Variants in SOX5 observed in about 807,000 individuals in gnomAD.
The protein encoded by SOX5 is SRY-box transcription factor 5.
SOX5 carries 9 observed loss-of-function variants against 92.0 expected under a neutral mutation model. The observed-to-expected ratio is 0.10, with a 90% CI of 0.06 to 0.17. SOX5 has a LOEUF of 0.17. Among genes scored for constraint, SOX5 ranks in the 10% least tolerant of loss-of-function variants. SOX5 has a pLI of 1.00. For synonymous variants in SOX5, 344 were observed against 336.3 expected (o/e 1.02, Z -0.25); for missense variants, 642 against 944.5 (o/e 0.68, Z 4.20).
intron 3 of SOX5, among the ~76,000 whole-genome samples, chr12:23,772,137 GA>G (rs765024384): frequency 4.6e-5 from 7 of 152,160 alleles, no homozygotes; most frequent in Admixed American, 2.0e-4. Context: ...CTACAAATGT[GA>G]AATTCTTGAA....
At chr12:23,954,194 C>A (rs1946002179), upstream of SOX5, among the ~76,000 whole-genome samples, 1 of 151,916 alleles carries the variant, frequency 6.6e-6, no homozygotes, top group South Asian at 2.1e-4. Context: ...GTCATAGGTG[C>A]AAATTACACT....
intron 3 of SOX5, among the ~76,000 whole-genome samples, chr12:23,794,614 C>T (rs145423081): frequency 6.6e-5 from 10 of 152,134 alleles, no homozygotes; most frequent in African/African-American, 1.2e-4. Flanking sequence ...AAAACAAAAA[C>T]GCAATGTTTA....
intron 13 of SOX5, among the ~76,000 whole-genome samples, chr12:23,537,073 TG>T (rs1335895346): frequency 6.6e-6 from 1 of 152,208 alleles, no homozygotes; most frequent in Non-Finnish European, 1.5e-5. Flanking sequence ...ATGTGGGAGA[TG>T]TTTTTTACTA....
intron 3 of SOX5, among the ~76,000 whole-genome samples, chr12:23,789,722 G>T (rs2095438501): frequency 2.0e-5 from 3 of 152,094 alleles, no homozygotes; most frequent in Middle Eastern, 3.4e-3. Flanking sequence ...GTTTTATAAG[G>T]AGATCACAGA....
chr12:24,093,395 C>T (rs1448807515), intron 4 of SOX5, among the ~76,000 whole-genome samples: 6 of 151,870 alleles, frequency 4.0e-5, no homozygotes, highest in African/African-American at 9.7e-5. Flanking sequence ...TGGTGGCGGG[C>T]GCCTGTAGTC....
chr12:24,217,821 A>C (rs1959382512), intron 3 of SOX5, among the ~76,000 whole-genome samples: 1 of 152,246 alleles, frequency 6.6e-6, no homozygotes. Flanking sequence ...TAACTAATTT[A>C]AAAATGAGCA....
rs142739779 is a variant in SOX5 at position 23,586,268 on chromosome 12, T to C, written c.1165-10430A>G. Among the ~76,000 whole-genome samples the C allele has an allele frequency of 4.1e-3, 619 of 152,212 alleles. 5 individuals carry two copies. Among genetic ancestry groups the C allele is most frequent in the African/African-American group, 0.014 (595 of 41,560 alleles). On this transcript the variant is annotated intron_variant, in intron 9 of 14. Transcript: ENST00000451604. Reference sequence around the variant, plus strand: ...TTAGAACAGTTGTGCCATCTACCCCTGTCTCTTGTTTTTCCCCCAAGTGGT... The same window carrying C: ...TTAGAACAGTTGTGCCATCTACCCCCGTCTCTTGTTTTTCCCCCAAGTGGT...
intron 2 of SOX5, among the ~76,000 whole-genome samples, chr12:23,850,200 G>A (rs1258172085): frequency 1.3e-5 from 2 of 152,082 alleles, no homozygotes; most frequent in Non-Finnish European, 2.9e-5. Flanking sequence ...GGAGACCAAG[G>A]TGGGCAGATC....
chr12:24,415,203 G>A (rs1182160637), intron 1 of SOX5, among the ~76,000 whole-genome samples: 2 of 152,104 alleles, frequency 1.3e-5, no homozygotes, highest in Non-Finnish European at 2.9e-5. Flanking sequence ...TACTTACTTT[G>A]CCAGTTAAAA....
intron 2 of SOX5, among the ~76,000 whole-genome samples, chr12:24,355,110 T>C (rs948773666): frequency 4.6e-5 from 7 of 152,184 alleles, no homozygotes; most frequent in African/African-American, 1.4e-4. Flanking sequence ...CCAAAGCTTA[T>C]GACTGGACCC....
Position 23,989,745 on chromosome 12 carries a change from A to G in SOX5, c.-1-93721T>C, listed in dbSNP as rs566497362. On this transcript the variant is annotated intron_variant, in intron 4 of 4. Coordinates refer to the SOX5 transcript ENST00000446891. ...GGATACAAGAAGCAGGCAGTCTGCA[A>G]CACTTAAGAGGACCCTCACCAGAGT... Among the ~76,000 whole-genome samples the G allele has an allele frequency of 3.2e-3, 481 of 152,218 alleles. 3 individuals are homozygous for G. The highest frequency in any genetic ancestry group is 6.8e-3 in the Middle Eastern group (2 of 294).
chr12:23,656,836 A>G (rs1166845419), intron 7 of SOX5, among the ~76,000 whole-genome samples: 1 of 151,948 alleles, frequency 6.6e-6, no homozygotes, highest in Non-Finnish European at 1.5e-5. Context: ...TATAAAATTA[A>G]TGGTAGTTAC....
intron 1 of SOX5, among the ~76,000 whole-genome samples, chr12:23,897,001 T>C (rs184168653): frequency 6.6e-6 from 1 of 152,240 alleles, no homozygotes; most frequent in African/African-American, 2.4e-5. Flanking sequence ...AAATTCCTTT[T>C]CCTTTCATTA....
At chr12:23,743,282 G>A (rs555675328) in intron 4 of SOX5, among the ~76,000 whole-genome samples, 1 of 151,972 alleles carries the variant, frequency 6.6e-6, no homozygotes, top group African/African-American at 2.4e-5. Flanking sequence ...ATTTCTAAGT[G>A]GTGGAATTAT....
intron 1 of SOX5, among the ~76,000 whole-genome samples, chr12:23,948,705 G>A (rs915455343): frequency 8.6e-5 from 13 of 151,548 alleles, no homozygotes; most frequent in Non-Finnish European, 1.6e-4. Context: ...GCTGGGATAA[G>A]AACTCAAATT....
At chr12:24,163,164 A>G (rs890197812) in intron 4 of SOX5, among the ~76,000 whole-genome samples, 1 of 152,146 alleles carries the variant, frequency 6.6e-6, no homozygotes, top group African/African-American at 2.4e-5. Context: ...AATATGAAGG[A>G]ATAAACTCAA....
intron 3 of SOX5, among the ~76,000 whole-genome samples, chr12:24,234,675 C>T (rs932298298): frequency 3.3e-5 from 5 of 152,170 alleles, no homozygotes; most frequent in South Asian, 4.1e-4. Context: ...TGAGCCACCA[C>T]GCCGGCCAAA....
At chr12:24,150,393 T>G (rs562465390) in intron 4 of SOX5, among the ~76,000 whole-genome samples, 31 of 152,246 alleles carry the variant, frequency 2.0e-4, no homozygotes, top group African/African-American at 7.5e-4. Context: ...ATCATTAATT[T>G]GAAAATGTGA....
At chr12:23,705,819 G>T (rs1300749092) in intron 6 of SOX5, among the ~76,000 whole-genome samples, 1 of 152,066 alleles carries the variant, frequency 6.6e-6, no homozygotes, top group Non-Finnish European at 1.5e-5. Flanking sequence ...CATGCAGGAA[G>T]AAAGGAGCCA....
Sources: allele counts gnomAD v4.1 joint callset (sites outside exome capture counted in the v4.1 genomes callset), GRCh38; gene constraint gnomAD v4.1.1; transcripts MANE v1.5; gene names NCBI Gene and HGNC (gene_info 2026-07-23, HGNC 2026-07-21).